Variants in CDH18 observed in about 807,000 individuals in gnomAD.
CDH18 encodes cadherin 18, also known as cadherin-18.
CDH18 carries 31 observed loss-of-function variants against 67.9 expected under a neutral mutation model. The ratio of observed to expected loss-of-function variants is 0.46; its 90% CI spans 0.34 to 0.62. CDH18 has a LOEUF of 0.62. Ranked by LOEUF, CDH18 falls within the 20% of genes least tolerant of loss-of-function variation. The pLI is 0.01. For synonymous variants in CDH18, 362 were observed against 347.2 expected (o/e 1.04, Z -0.48); for missense variants, 890 against 975.5 (o/e 0.91, Z 1.17).
intron 5 of CDH18, among the ~76,000 whole-genome samples, chr5:19,708,816 TCG>T (rs1764297022): frequency 2.6e-5 from 4 of 152,102 alleles, no homozygotes; most frequent in African/African-American, 9.7e-5. Context: ...AAAACTCTGT[TCG>T]CAGCTCTCAG....
chr5:20,328,473 TTGTG>T (rs70954646), intron 1 of CDH18, among the ~76,000 whole-genome samples: 5,300 of 141,208 alleles, frequency 0.038, 184 homozygotes, highest in African/African-American at 0.1. Context: ...GAGAAGCCAT[TTGTG>T]TGTGTGTGTG....
intron 1 of CDH18, among the ~76,000 whole-genome samples, chr5:20,348,315 C>T (rs948110748): frequency 1.3e-5 from 2 of 152,116 alleles, no homozygotes; most frequent in African/African-American, 4.8e-5. Flanking sequence ...AACATGTAGG[C>T]AAATCTGTCT....
At chr5:20,134,456 G>A (rs1332360663) in intron 2 of CDH18, among the ~76,000 whole-genome samples, 1 of 151,942 alleles carries the variant, frequency 6.6e-6, no homozygotes, top group Non-Finnish European at 1.5e-5. Context: ...TTAATTTCTA[G>A]CATTTTATTT....
chr5:19,868,671 TC>T (rs1444604007), intron 2 of CDH18, among the ~76,000 whole-genome samples: 1 of 152,142 alleles, frequency 6.6e-6, no homozygotes, highest in African/African-American at 2.4e-5. Flanking sequence ...CTTAGGGACA[TC>T]CCTCAATATA....
At chr5:20,451,186 G>A (rs1750418576) in intron 1 of CDH18, among the ~76,000 whole-genome samples, 2 of 152,276 alleles carry the variant, frequency 1.3e-5, no homozygotes, top group South Asian at 4.1e-4. Context: ...TTACTTGAGA[G>A]CAGGACTTAT....
chr5:19,960,546 C>CGT (rs377666674), intron 2 of CDH18, among the ~76,000 whole-genome samples: 8,385 of 127,046 alleles, frequency 0.066, 1,150 homozygotes, highest in African/African-American at 0.27. Flanking sequence ...GTTTAATATA[C>CGT]GTGTGTGTGT....
At chr5:20,176,841 T>C (rs558141259) in intron 2 of CDH18, among the ~76,000 whole-genome samples, 12 of 152,260 alleles carry the variant, frequency 7.9e-5, no homozygotes, top group Non-Finnish European at 1.5e-4. Context: ...AATTAGCCCA[T>C]CTTATTTTGC....
intron 8 of CDH18, among the ~76,000 whole-genome samples, chr5:19,546,347 C>A (rs1736311508): frequency 6.6e-6 from 1 of 152,068 alleles, no homozygotes; most frequent in Non-Finnish European, 1.5e-5. Flanking sequence ...GTGGGTTCAA[C>A]AAATTATTTT....
At chr5:20,248,837 G>A (rs536716757) in intron 2 of CDH18, among the ~76,000 whole-genome samples, 1 of 152,290 alleles carries the variant, frequency 6.6e-6, no homozygotes, top group Admixed American at 6.5e-5. Flanking sequence ...CTTCTAGAAA[G>A]TAATCACACC....
chr5:19,830,596 A>G (rs1464766045), intron 3 of CDH18, among the ~76,000 whole-genome samples: 1 of 152,152 alleles, frequency 6.6e-6, no homozygotes, highest in Non-Finnish European at 1.5e-5. Flanking sequence ...GGGAATATAA[A>G]TAAGTTTAGT....
chr5:19,980,427 T>C (rs1798923022), intron 2 of CDH18, among the ~76,000 whole-genome samples: 2 of 152,212 alleles, frequency 1.3e-5, no homozygotes, highest in African/African-American at 2.4e-5. Flanking sequence ...ACACTCTTTA[T>C]ACCTAAAATA....
rs757010292 is a variant in CDH18 at position 19,855,489 on chromosome 5, AT to A, written c.-256-16248del. Among the ~76,000 whole-genome samples, 4 of 151,814 alleles carry A rather than the reference AT, an allele frequency of 2.6e-5. No individual in the cohort carries two copies. The East Asian group carries it at 5.8e-4, about 22-fold the overall frequency. Reference sequence around the variant, plus strand: ...CTTTTCTCTGTGTACATTTTATTTTATTTTTTTTCTTGTTTTAAGCAATACA... The same window carrying A: ...CTTTTCTCTGTGTACATTTTATTTTATTTTTTTCTTGTTTTAAGCAATACA... On this transcript the variant is annotated intron_variant, in intron 2 of 12. Transcript: ENST00000382275.
intron 7 of CDH18, among the ~76,000 whole-genome samples, chr5:19,584,782 T>C (rs1307850494): frequency 9.9e-5 from 2 of 20,240 alleles, no homozygotes; most frequent in Non-Finnish European, 2.3e-4. Flanking sequence ...GCCCCGTTTC[T>C]ACTAAAAATA....
At chr5:20,390,020 A>G (rs901852193) in intron 1 of CDH18, among the ~76,000 whole-genome samples, 14 of 152,222 alleles carry the variant, frequency 9.2e-5, no homozygotes, top group South Asian at 2.1e-4. Context: ...TGTTAGATCT[A>G]AAACCATAAA....
At chr5:19,522,161 A>G (rs1747002218) in intron 9 of CDH18, among the ~76,000 whole-genome samples, 1 of 152,170 alleles carries the variant, frequency 6.6e-6, no homozygotes, top group Non-Finnish European at 1.5e-5. Context: ...AGTGAATTAA[A>G]TGAAAGATGA....
intron 2 of CDH18, among the ~76,000 whole-genome samples, chr5:20,149,283 G>A (rs542028746): frequency 7.1e-4 from 108 of 152,122 alleles, no homozygotes; most frequent in Non-Finnish European, 1.5e-3. Context: ...CAATGGGGGT[G>A]TCTGCATTTT....
chr5:20,173,303 A>T (rs1292316155), intron 2 of CDH18, among the ~76,000 whole-genome samples: 1 of 152,190 alleles, frequency 6.6e-6, no homozygotes, highest in Admixed American at 6.5e-5. Context: ...ACATCAAGGA[A>T]ACTAAAAAGC....
At chr5:19,987,367 A>G (rs115507671) in intron 1 of CDH18, among the ~76,000 whole-genome samples, 183 of 152,148 alleles carry the variant, frequency 1.2e-3, no homozygotes, top group African/African-American at 4.1e-3. Context: ...CTAAAACAAG[A>G]AGTTAAGAAA....
intron 1 of CDH18, among the ~76,000 whole-genome samples, chr5:20,558,756 G>A (rs183405350): frequency 2.0e-5 from 3 of 152,042 alleles, no homozygotes; most frequent in Admixed American, 2.0e-4. Context: ...TAGAGGTAAA[G>A]TTTAGGTCGA....
Sources: gnomAD v4.1 joint callset for allele counts (sites outside exome capture counted in the v4.1 genomes callset) on GRCh38, gnomAD v4.1.1 for gene constraint, MANE v1.5 for transcripts, NCBI Gene and HGNC (gene_info 2026-07-23, HGNC 2026-07-21) for gene names.